Variants in SPTLC3 observed in about 807,000 individuals in gnomAD.
The protein encoded by SPTLC3 is serine palmitoyltransferase 3.
SPTLC3 carries 36 observed loss-of-function variants against 59.3 expected under a neutral mutation model. That is an observed-to-expected ratio of 0.61 (90% CI 0.47 to 0.80). SPTLC3 has a LOEUF of 0.80. Ranked by LOEUF, SPTLC3 falls within the 30% of genes least tolerant of loss-of-function variation. The pLI, the probability that SPTLC3 is intolerant of heterozygous loss-of-function variation, is 0.00. For synonymous variants in SPTLC3, 257 were observed against 240.8 expected, an observed-to-expected ratio of 1.07 and a Z score of -0.62; for missense variants, 625 against 685.1, an observed-to-expected ratio of 0.91 and a Z score of 0.98.
chr20:13,037,801 C>T (rs938962260), intron 1 of SPTLC3, among the ~76,000 whole-genome samples: 3 of 152,092 alleles, frequency 2.0e-5, no homozygotes, highest in Non-Finnish European at 2.9e-5. Flanking sequence ...GAGTTTTATT[C>T]GTCAAACATG....
intron 1 of SPTLC3, among the ~76,000 whole-genome samples, chr20:13,020,547 T>G (rs1288040884): frequency 6.6e-6 from 1 of 152,066 alleles, no homozygotes; most frequent in Non-Finnish European, 1.5e-5. Flanking sequence ...TCATTTATAT[T>G]AGAAGTTTGC....
At chr20:13,140,413 AC>A (rs1363183477) in intron 9 of SPTLC3, among the ~76,000 whole-genome samples, 1 of 152,186 alleles carries the variant, frequency 6.6e-6, no homozygotes, top group Non-Finnish European at 1.5e-5. Context: ...TCACATTGGC[AC>A]CCAGCCCTTG....
chr20:13,131,143 G>C (rs2038111610), intron 9 of SPTLC3, among the ~76,000 whole-genome samples: 1 of 152,066 alleles, frequency 6.6e-6, no homozygotes, highest in Non-Finnish European at 1.5e-5. Flanking sequence ...AGAAAGCATT[G>C]TCAAAAATCA....
intron 2 of SPTLC3, among the ~76,000 whole-genome samples, chr20:13,052,777 A>G (rs1987551021): frequency 6.6e-6 from 1 of 152,096 alleles, no homozygotes; most frequent in South Asian, 2.1e-4. Flanking sequence ...AGCAGTGGGG[A>G]AGTTCAAATT....
chr20:13,053,881 G>A (rs1306217301), intron 2 of SPTLC3, among the ~76,000 whole-genome samples: 2 of 152,104 alleles, frequency 1.3e-5, no homozygotes, highest in Non-Finnish European at 2.9e-5. Context: ...CAAGAAATAT[G>A]GGACTATGTG....
chr20:13,151,407 T>C (rs1219031751), intron 9 of SPTLC3, among the ~76,000 whole-genome samples: 1 of 152,194 alleles, frequency 6.6e-6, no homozygotes, highest in Non-Finnish European at 1.5e-5. Context: ...GCTCCATTCA[T>C]TGTCTGTGGT....
intron 4 of SPTLC3, among the ~76,000 whole-genome samples, chr20:13,080,900 C>T (rs1988820097): frequency 6.6e-6 from 1 of 152,088 alleles, no homozygotes; most frequent in South Asian, 2.1e-4. Flanking sequence ...TTCTAACATT[C>T]AGAAATTGAT....
chr20:13,082,319 G>T (rs1217146203), intron 4 of SPTLC3, among the ~76,000 whole-genome samples: 2 of 152,150 alleles, frequency 1.3e-5, no homozygotes, highest in Non-Finnish European at 2.9e-5. Flanking sequence ...CTAGACATCA[G>T]TTCTCTTGAG....
rs1005091364 is a variant in SPTLC3 at position 13,167,058 on chromosome 20, T to A, written c.*2191T>A. ...TTGAATATACAGGTATGAGAACAAC[T>A]GTTGATATACAGGTATAATCCAAGT... On this transcript the variant is annotated 3_prime_UTR_variant, in exon 12 of 12. Coordinates refer to ENST00000399002, the MANE Select transcript of SPTLC3 (RefSeq NM_018327.4). The A allele has an allele frequency of 1.3e-5, 2 of 152,154 alleles. No individual in the cohort carries two copies. Among genetic ancestry groups the A allele is most frequent in the East Asian group, 3.8e-4 (2 of 5,200 alleles). The allele number at this position is 152,154 out of a possible 1,614,324, so 9.4% of individuals were successfully genotyped here. A position where few individuals can be genotyped will look rare whatever the true frequency, so the allele number is the denominator to read the frequency against.
chr20:13,109,969 T>G (rs1468141632), intron 6 of SPTLC3, 143 bp from the exon 7 acceptor site: 5 of 618,288 alleles, frequency 8.1e-6, no homozygotes, highest in Non-Finnish European at 1.4e-5. Context: ...TCTGTCTCTC[T>G]CTCCCTAAGG....
At chr20:13,161,857 G>A (rs75846475) in intron 11 of SPTLC3, among the ~76,000 whole-genome samples, 8,090 of 152,224 alleles carry the variant, frequency 0.053, 249 homozygotes, top group African/African-American at 0.08. Context: ...GAGTTGCCAT[G>A]TCCTTCGTCT....
chr20:13,077,258 T>C (rs1006162992), intron 4 of SPTLC3, among the ~76,000 whole-genome samples: 1 of 150,560 alleles, frequency 6.6e-6, no homozygotes, highest in Non-Finnish European at 1.5e-5. Context: ...ACTATTACTT[T>C]ATGTATTTTA....
intron 9 of SPTLC3, among the ~76,000 whole-genome samples, chr20:13,142,123 C>T (rs111541629): frequency 1.3e-5 from 2 of 152,228 alleles, no homozygotes; most frequent in African/African-American, 4.8e-5. Context: ...CAAGGGTAGA[C>T]TTTTATGAAA....
At chr20:13,060,348 CTT>C (rs769718645) in intron 2 of SPTLC3, among the ~76,000 whole-genome samples, 7 of 151,950 alleles carry the variant, frequency 4.6e-5, no homozygotes, top group Non-Finnish European at 1.0e-4. Flanking sequence ...CAGACATTAA[CTT>C]ATGTGTAGGA....
At chr20:13,139,681 T>C (rs1160301772) in intron 9 of SPTLC3, among the ~76,000 whole-genome samples, 1 of 152,230 alleles carries the variant, frequency 6.6e-6, no homozygotes, top group Non-Finnish European at 1.5e-5. Context: ...GAGTTAACTA[T>C]GTGCCTAGGA....
At chr20:13,053,677 G>C (rs572757502) in intron 2 of SPTLC3, among the ~76,000 whole-genome samples, 1 of 152,174 alleles carries the variant, frequency 6.6e-6, no homozygotes, top group South Asian at 2.1e-4. Context: ...AGAATAACCA[G>C]TTTAGAGAAG....
At chr20:13,022,633 A>C (rs1182689862) in intron 1 of SPTLC3, among the ~76,000 whole-genome samples, 6 of 152,158 alleles carry the variant, frequency 3.9e-5, no homozygotes, top group Non-Finnish European at 8.8e-5. Context: ...CAGGACTGTG[A>C]ACTGGATCGA....
intron 9 of SPTLC3, among the ~76,000 whole-genome samples, chr20:13,142,500 T>C (rs983631940): frequency 7.9e-5 from 12 of 152,212 alleles, no homozygotes; most frequent in African/African-American, 2.9e-4. Context: ...TGGGGAGGAT[T>C]AGGCAGGTGG....
At chr20:13,027,678 C>G (rs1986225487) in intron 1 of SPTLC3, among the ~76,000 whole-genome samples, 1 of 138,080 alleles carries the variant, frequency 7.2e-6, no homozygotes, top group African/African-American at 2.7e-5. Flanking sequence ...CACACACACA[C>G]ACGCAAAAGT....
Sources: gnomAD v4.1 joint callset for allele counts (sites outside exome capture counted in the v4.1 genomes callset) on GRCh38, gnomAD v4.1.1 for gene constraint, MANE v1.5 for transcripts, NCBI Gene and HGNC (gene_info 2026-07-23, HGNC 2026-07-21) for gene names.